The following EPB41L3 variants were observed in gnomAD, a reference collection of about 807,000 sequenced individuals.
The protein encoded by EPB41L3 is erythrocyte membrane protein band 4.1 like 3.
Under a neutral mutation model 127.1 loss-of-function variants are expected in EPB41L3, and 57 were observed. That is an observed-to-expected ratio of 0.45 (90% CI 0.36 to 0.56). The LOEUF (loss-of-function observed/expected upper bound fraction) is 0.56. Ranked by LOEUF, EPB41L3 falls within the 20% of genes least tolerant of loss-of-function variation. The probability of loss-of-function intolerance (pLI) is 0.00; values close to 1 mark genes in which losing one functional copy is unlikely to be tolerated. For missense variants in EPB41L3, 1,273 were observed against 1,372.2 expected (o/e 0.93, Z 1.14); for synonymous variants, 572 against 549.5 (o/e 1.04, Z -0.57).
intron 3 of EPB41L3, among the ~76,000 whole-genome samples, chr18:5,587,972 C>T (rs904281481): frequency 3.3e-5 from 5 of 152,076 alleles, no homozygotes. Flanking sequence ...GAGTAAAATG[C>T]AGATCAGATC....
Position 5,420,185 on chromosome 18 carries a change from ATGTG to A in EPB41L3, c.1340-312_1340-309del, listed in dbSNP as rs1598715473. 2.4e-5 allele frequency: 11 copies of A among 452,608 alleles called. No individual in the cohort carries two copies. The East Asian group carries it at 5.3e-4, about 22-fold the overall frequency. 28.0% of individuals were successfully genotyped at this position (452,608 alleles called of 1,614,324 possible). ...TCTATCCTCAGACTCTCTGCTGAGG[ATGTG>A]TGTAAGTGTGGAGGTGAGTGGAGGG... On this transcript the variant is annotated intron_variant, in intron 11 of 22. Coordinates refer to ENST00000341928, the MANE Select transcript of EPB41L3 (RefSeq NM_012307.5).
intron 12 of EPB41L3, among the ~76,000 whole-genome samples, chr18:5,416,959 T>C (rs966370202): frequency 3.9e-5 from 6 of 152,148 alleles, no homozygotes; most frequent in Non-Finnish European, 5.9e-5. Context: ...CCCACTCCTA[T>C]CTGATAAGTA....
chr18:5,400,838 C>G (rs539581256), intron 16 of EPB41L3: 11 of 623,978 alleles, frequency 1.8e-5, no homozygotes, highest in Non-Finnish European at 3.0e-5. Context: ...GAATCTAAAT[C>G]AAAATTATGT....
At chr18:5,491,660 A>G (rs145149075) in intron 1 of EPB41L3, among the ~76,000 whole-genome samples, 5 of 152,290 alleles carry the variant, frequency 3.3e-5, no homozygotes, top group East Asian at 3.9e-4. Flanking sequence ...AAAATCATCT[A>G]CTATGCCCTT....
At position 5,415,938 on chromosome 18, in the gene EPB41L3, T is replaced by G; in HGVS notation, c.1947A>C (p.Ser649=). Residue 649 remains serine, a synonymous_variant, in exon 13 of 23, where the codon TCA becomes TCC. Coordinates refer to ENST00000341928, the MANE Select transcript of EPB41L3 (RefSeq NM_012307.5). ...AGGAGAGAGTGAGAGCGTATGGCAC[T>G]GAGAAGGAGGCAGACAGCAGAAAGA... ...IFFFLLSASF[S]VPYALTLSFP... 6.2e-7 allele frequency: 1 copy of G among 1,613,948 alleles called. No homozygotes were observed. The highest frequency in any genetic ancestry group is 1.1e-5 in the South Asian group (1 of 91,078).
chr18:5,579,995 T>A (rs1004648803), intron 3 of EPB41L3, among the ~76,000 whole-genome samples: 15 of 152,176 alleles, frequency 9.9e-5, no homozygotes, highest in African/African-American at 3.4e-4. Flanking sequence ...TGAATTACTA[T>A]TAATCCCAAT....
At chr18:5,555,953 C>G (rs1421655560) in intron 3 of EPB41L3, among the ~76,000 whole-genome samples, 4 of 152,204 alleles carry the variant, frequency 2.6e-5, no homozygotes, top group African/African-American at 9.6e-5. Flanking sequence ...CTGGTAGCAT[C>G]AGTCCCTCTG....
intron 1 of EPB41L3, among the ~76,000 whole-genome samples, chr18:5,503,979 C>T (rs1327972503): frequency 6.6e-6 from 1 of 152,208 alleles, no homozygotes; most frequent in East Asian, 1.9e-4. Flanking sequence ...ATATTCTCCA[C>T]CTATATTAGT....
At chr18:5,569,060 C>G (rs976959131) in intron 3 of EPB41L3, among the ~76,000 whole-genome samples, 1 of 152,182 alleles carries the variant, frequency 6.6e-6, no homozygotes, top group African/African-American at 2.4e-5. Context: ...ACAATGTTTC[C>G]TTCAACAGGA....
At chr18:5,528,677 A>G (rs2093315782) in intron 1 of EPB41L3, among the ~76,000 whole-genome samples, 1 of 152,018 alleles carries the variant, frequency 6.6e-6, no homozygotes, top group South Asian at 2.1e-4. Context: ...AGCCCACCGC[A>G]GCCTAGGCCT....
intron 16 of EPB41L3, among the ~76,000 whole-genome samples, chr18:5,402,112 T>C (rs571203878): frequency 4.0e-5 from 6 of 151,604 alleles, no homozygotes; most frequent in South Asian, 4.2e-4. Flanking sequence ...CAGATTTTGA[T>C]AGTATCATTC....
rs373673337 is a variant in EPB41L3, at chr18:5,522,228, C to T, written c.-12+21685G>A. Among the ~76,000 whole-genome samples, 6 of 152,186 alleles carry T rather than the reference C, an allele frequency of 3.9e-5. No homozygotes were observed. In the East Asian group the frequency reaches 7.7e-4, roughly 20 times the overall value. On this transcript the variant is annotated intron_variant, in intron 1 of 22. Coordinates refer to ENST00000341928, the MANE Select transcript of EPB41L3 (RefSeq NM_012307.5). ...AAGCAATTCTTCTGCCTCAGCCTCC[C>T]GAGTAGCTGGGATTACAGGCACCCG...
At chr18:5,528,325 C>G (rs2093301881) in intron 1 of EPB41L3, among the ~76,000 whole-genome samples, 1 of 152,062 alleles carries the variant, frequency 6.6e-6, no homozygotes, top group African/African-American at 2.4e-5. Flanking sequence ...GCACACACCA[C>G]CACGCCTGGC....
intron 3 of EPB41L3, among the ~76,000 whole-genome samples, chr18:5,553,671 C>A (rs1372924832): frequency 6.6e-6 from 1 of 152,216 alleles, no homozygotes; most frequent in Admixed American, 6.5e-5. Flanking sequence ...TCAGGACATA[C>A]CCAGAATCAG....
At chr18:5,544,963 T>G (rs1188021313), upstream of EPB41L3, among the ~76,000 whole-genome samples, 2 of 152,156 alleles carry the variant, frequency 1.3e-5, no homozygotes, top group African/African-American at 4.8e-5. Flanking sequence ...TTTTTTTAAT[T>G]TTTAAAATAA....
chr18:5,604,792 C>A (rs1568635595), intron 3 of EPB41L3, among the ~76,000 whole-genome samples: 1 of 152,124 alleles, frequency 6.6e-6, no homozygotes, highest in East Asian at 1.9e-4. Context: ...ATTGAAATAG[C>A]CCATGTTTCA....
intron 3 of EPB41L3, among the ~76,000 whole-genome samples, chr18:5,594,984 T>C (rs1639223278): frequency 6.6e-6 from 1 of 152,216 alleles, no homozygotes; most frequent in Admixed American, 6.5e-5. Flanking sequence ...CTACTAAGTA[T>C]ACAGAATTAA....
At chr18:5,396,076 A>T (rs2073392593) in intron 19 of EPB41L3, 125 bp downstream of exon 19, 1 of 1,193,864 alleles carries the variant, frequency 8.4e-7, no homozygotes, top group Non-Finnish European at 1.2e-6. Context: ...TTTTAATAGA[A>T]ATGGTCTGGC....
intron 3 of EPB41L3, among the ~76,000 whole-genome samples, chr18:5,574,741 G>C (rs960302261): frequency 7.2e-5 from 11 of 152,160 alleles, no homozygotes; most frequent in Non-Finnish European, 1.2e-4. Flanking sequence ...TGTTGCTATA[G>C]AATTAAGCAT....
Sources: allele counts gnomAD v4.1 joint callset (sites outside exome capture counted in the v4.1 genomes callset), GRCh38; gene constraint gnomAD v4.1.1; transcripts MANE v1.5; gene names NCBI Gene and HGNC (gene_info 2026-07-23, HGNC 2026-07-21).